EPB41L3: variants seen among roughly 807,000 people sequenced by gnomAD.
EPB41L3 encodes erythrocyte membrane protein band 4.1 like 3, also known as band 4.1-like protein 3.
In EPB41L3, 57 loss-of-function variants were observed where a neutral mutation model predicts 127.1. The ratio of observed to expected loss-of-function variants is 0.45; its 90% CI spans 0.36 to 0.56. The LOEUF is 0.56. EPB41L3 is among the 20% of genes least tolerant of loss of function. The pLI, the probability that EPB41L3 is intolerant of heterozygous loss-of-function variation, is 0.00. For missense variants in EPB41L3, 1,273 were observed against 1,372.2 expected (o/e 0.93, Z 1.14); for synonymous variants, 572 against 549.5 (o/e 1.04, Z -0.57).
At chr18:5,613,998 T>A (rs2094761874) in intron 2 of EPB41L3, among the ~76,000 whole-genome samples, 1 of 152,212 alleles carries the variant, frequency 6.6e-6, no homozygotes, top group Admixed American at 6.5e-5. Context: ...TCTTTGAGGA[T>A]GTATAGAGGT....
intron 3 of EPB41L3, among the ~76,000 whole-genome samples, chr18:5,582,765 G>A (rs1343165165): frequency 6.6e-6 from 1 of 152,098 alleles, no homozygotes; most frequent in Non-Finnish European, 1.5e-5. Flanking sequence ...GAATCTATGT[G>A]GTCATTTTCA....
chr18:5,470,910 A>G (rs560367863), intron 3 of EPB41L3, among the ~76,000 whole-genome samples: 3 of 152,172 alleles, frequency 2.0e-5, no homozygotes, highest in African/African-American at 7.2e-5. Context: ...GCTGAAGTCT[A>G]CCATGCTGGA....
In EPB41L3 at chr18:5,613,897, A is replaced by C. The variant is rs951728744; in HGVS notation, c.-395+454T>G. ...ATTGTTATTTTTAAGTGAATTAAAAATAAATATCAAAAACGTTCTCAGTTG... is the reference window on the plus strand; with the variant it reads ...ATTGTTATTTTTAAGTGAATTAAAACTAAATATCAAAAACGTTCTCAGTTG... On this transcript the variant is annotated intron_variant, in intron 2 of 21. Transcript: ENST00000545076. Among the ~76,000 whole-genome samples the C allele has an allele frequency of 3.2e-4, 48 of 152,368 alleles. 1 individual carries two copies. Among genetic ancestry groups the C allele is most frequent in the African/African-American group, 1.1e-3 (47 of 41,596 alleles).
Position 5,429,032 on chromosome 18 carries a change from A to G in EPB41L3, c.913-567T>C, listed in dbSNP as rs148007338. 5.3e-3 allele frequency among the ~76,000 whole-genome samples: 802 copies of G among 152,280 alleles called. 4 individuals are homozygous for G. The highest frequency in any genetic ancestry group is 0.017 in the African/African-American group (713 of 41,558). Reference sequence around the variant, plus strand: ...AGAGCCCCGATATTTTTTATATACCATTATTGTCAGAGTAAAATTTAAATA... The same window carrying G: ...AGAGCCCCGATATTTTTTATATACCGTTATTGTCAGAGTAAAATTTAAATA... On this transcript the variant is annotated intron_variant, in intron 8 of 22. Transcript: ENST00000341928.
intron 12 of EPB41L3, among the ~76,000 whole-genome samples, chr18:5,416,945 T>C (rs1294403286): frequency 6.6e-6 from 1 of 152,184 alleles, no homozygotes; most frequent in Non-Finnish European, 1.5e-5. Context: ...AAGAAGTTTC[T>C]GGCCCCACTC....
rs762901303 is a variant in EPB41L3 at position 5,397,169 on chromosome 18, A to G, written c.2730T>C (p.Ala910=). 6.2e-7 allele frequency: 1 copy of G among 1,614,134 alleles called. No homozygotes were observed. The highest frequency in any genetic ancestry group is 8.5e-7 in the Non-Finnish European group (1 of 1,180,026). ...TCTCTTCCTGTTCCAGGACAGCTTTAGCGACCTCCTCCCCTCCTTCCTCTT... is the reference window on the plus strand; with the variant it reads ...TCTCTTCCTGTTCCAGGACAGCTTTGGCGACCTCCTCCCCTCCTTCCTCTT... ...GAKEEGGEEV[A]KAVLEQEETA... The change falls in exon 18 of 23, where the codon GCT becomes GCC. Residue 910 remains alanine, a synonymous_variant. Coordinates refer to ENST00000341928, the MANE Select transcript of EPB41L3 (RefSeq NM_012307.5). The surrounding 1 kb of genome is among the most constrained non-coding windows in gnomAD (Gnocchi z 4.1).
intron 3 of EPB41L3, among the ~76,000 whole-genome samples, chr18:5,580,909 T>C (rs1437636839): frequency 1.3e-5 from 2 of 152,168 alleles, no homozygotes; most frequent in Non-Finnish European, 2.9e-5. Context: ...ACACCAGCAT[T>C]TGTGTTTGCA....
At chr18:5,562,239 T>C (rs2094143783) in intron 3 of EPB41L3, among the ~76,000 whole-genome samples, 1 of 152,208 alleles carries the variant, frequency 6.6e-6, no homozygotes, top group African/African-American at 2.4e-5. Context: ...ATGTGGTATA[T>C]ATAGGAACTC....
chr18:5,415,720 T>A, intron 13 of EPB41L3, 98 bp downstream of exon 13: 1 of 1,259,070 alleles, frequency 7.9e-7, no homozygotes, highest in Non-Finnish European at 1.1e-6. Context: ...TAAATGAGGC[T>A]CTGAAAGTAG....
At chr18:5,524,071 C>T (rs1025904082) in intron 1 of EPB41L3, among the ~76,000 whole-genome samples, 8 of 152,012 alleles carry the variant, frequency 5.3e-5, no homozygotes, top group South Asian at 4.2e-4. Flanking sequence ...AAACCTTTGA[C>T]GTGGGTACTA....
intron 15 of EPB41L3, 122 bp downstream of exon 15, chr18:5,407,579 C>T (rs2075612018): frequency 9.7e-7 from 1 of 1,026,380 alleles, no homozygotes; most frequent in African/African-American, 1.6e-5. Context: ...ACACACTGCA[C>T]CAACAACATG....
intron 5 of EPB41L3, among the ~76,000 whole-genome samples, chr18:5,441,523 T>G (rs1460477779): frequency 6.6e-6 from 1 of 151,100 alleles, no homozygotes; most frequent in Non-Finnish European, 1.5e-5. Context: ...TGGAGCGCAG[T>G]GGCGCGATCT....
intron 1 of EPB41L3, among the ~76,000 whole-genome samples, chr18:5,510,268 G>A (rs1568459875): frequency 6.6e-6 from 1 of 152,132 alleles, no homozygotes; most frequent in South Asian, 2.1e-4. Context: ...TGCATGATGA[G>A]TGAGCCAGGA....
chr18:5,427,073 A>T (rs1177768096), intron 9 of EPB41L3, among the ~76,000 whole-genome samples: 1 of 151,956 alleles, frequency 6.6e-6, no homozygotes, highest in Admixed American at 6.6e-5. Flanking sequence ...GTGTGATCAA[A>T]CTCACTGCAG....
At chr18:5,510,676 C>A (rs976643963) in intron 1 of EPB41L3, among the ~76,000 whole-genome samples, 2 of 152,214 alleles carry the variant, frequency 1.3e-5, no homozygotes, top group Non-Finnish European at 2.9e-5. Flanking sequence ...CACTGTGTAG[C>A]CACTGCCCAG....
chr18:5,507,390 A>G (rs1186828942), intron 1 of EPB41L3, among the ~76,000 whole-genome samples: 1 of 152,188 alleles, frequency 6.6e-6, no homozygotes, highest in Non-Finnish European at 1.5e-5. Flanking sequence ...CCAAAAACAC[A>G]TTAAGATATT....
chr18:5,444,503 G>T (rs1236738160), intron 4 of EPB41L3, among the ~76,000 whole-genome samples: 1 of 152,224 alleles, frequency 6.6e-6, no homozygotes, highest in Admixed American at 6.5e-5. Context: ...CAATGGAAAC[G>T]ATTTCCTTTT....
chr18:5,477,873 A>G (rs2087561085), intron 3 of EPB41L3, among the ~76,000 whole-genome samples: 1 of 152,208 alleles, frequency 6.6e-6, no homozygotes, highest in South Asian at 2.1e-4. Context: ...CTACCAAGTA[A>G]CAAGTGACAT....
upstream of EPB41L3, among the ~76,000 whole-genome samples, chr18:5,544,740 C>A (rs926535232): frequency 2.0e-5 from 3 of 152,070 alleles, no homozygotes; most frequent in African/African-American, 7.2e-5. Flanking sequence ...TCTGATAGCA[C>A]AACAGGGTGA....
Sources: gnomAD v4.1 joint callset for allele counts (sites outside exome capture counted in the v4.1 genomes callset) on GRCh38, gnomAD v4.1.1 for gene constraint, Gnocchi (gnomAD v3.1) non-coding constraint, MANE v1.5 for transcripts, NCBI Gene and HGNC (gene_info 2026-07-23, HGNC 2026-07-21) for gene names.